Variants in SDC1 observed in about 807,000 individuals in gnomAD.
The protein encoded by SDC1 is syndecan-1.
A neutral mutation model predicts 29.7 loss-of-function variants in SDC1; 14 were observed. The ratio of observed to expected loss-of-function variants is 0.47; its 90% confidence interval spans 0.31 to 0.74. The LOEUF (loss-of-function observed/expected upper bound fraction) is 0.74, where lower values mean the gene tolerates loss of function less well. Ranked by LOEUF, SDC1 falls within the 30% of genes least tolerant of loss-of-function variation. SDC1 has a pLI of 0.05. For synonymous variants in SDC1, 204 were observed against 175.5 expected (o/e 1.16, Z -1.29); for missense variants, 406 against 400.3 (o/e 1.01, Z -0.12).
At position 20,202,295 on chromosome 2, in the gene SDC1, A is replaced by G; in HGVS notation, c.*471T>C. On this transcript the variant is annotated 3_prime_UTR_variant, in exon 5 of 5. Coordinates refer to ENST00000254351, the MANE Select transcript of SDC1 (RefSeq NM_002997.5). Reference sequence around the variant, plus strand: ...CTAGATTAGACCTCCCCACGAAACAAAGTGGACTCCTGTCCCCTGCCACTC... The same window carrying G: ...CTAGATTAGACCTCCCCACGAAACAGAGTGGACTCCTGTCCCCTGCCACTC... The G allele has an allele frequency of 1.3e-6, 1 of 779,002 alleles. No homozygotes were observed. The highest frequency in any genetic ancestry group is 2.4e-6 in the Non-Finnish European group (1 of 417,794). 48.3% of individuals were successfully genotyped at this position (779,002 alleles called of 1,614,324 possible). A position where few individuals can be genotyped will look rare whatever the true frequency, so the allele number is the denominator to read the frequency against.
chr2:20,223,326 C>T (rs974993261), intron 1 of SDC1: 2 of 1,283,350 alleles, frequency 1.6e-6, no homozygotes, highest in Non-Finnish European at 2.0e-6. Context: ...GCAGCTACTA[C>T]ACGAGGCAAC....
intron 1 of SDC1, among the ~76,000 whole-genome samples, chr2:20,214,750 G>GA (rs1677580119): frequency 6.6e-6 from 1 of 152,216 alleles, no homozygotes; most frequent in South Asian, 2.1e-4. Context: ...TGTGGTGGAA[G>GA]AAGAGTCTAA....
At position 20,202,185 on chromosome 2, in the gene SDC1, T is replaced by C. The variant is rs1025206113; in HGVS notation, c.*581A>G. On this transcript the variant is annotated 3_prime_UTR_variant, in exon 5 of 5. Coordinates refer to ENST00000254351, the MANE Select transcript of SDC1 (RefSeq NM_002997.5). The stretch of plus-strand genomic sequence containing the variant: ...CAAGATGGGGGGATACCGAATCAAC[T>C]TACTTAACTTACCTCAGAAGTAACA... 2 of 707,650 alleles carry C rather than the reference T, an allele frequency of 2.8e-6. No individual in the cohort carries two copies. The highest frequency in any genetic ancestry group is 2.7e-5 in the East Asian group (1 of 37,410). 43.8% of individuals were successfully genotyped at this position (707,650 alleles called of 1,614,324 possible).
chr2:20,218,410 A>T (rs1225679825), intron 1 of SDC1, among the ~76,000 whole-genome samples: 3 of 152,194 alleles, frequency 2.0e-5, no homozygotes, highest in Non-Finnish European at 2.9e-5. Flanking sequence ...CCAGGTAGTG[A>T]CCAGGCCCCC....
At chr2:20,207,892 G>A in intron 1 of SDC1, 1 of 947,760 alleles carries the variant, frequency 1.1e-6, no homozygotes, top group Non-Finnish European at 1.3e-6. Flanking sequence ...TGCCCACCGG[G>A]GGATCACAGA....
At chr2:20,220,615 T>C (rs571900798) in intron 1 of SDC1, among the ~76,000 whole-genome samples, 2 of 152,234 alleles carry the variant, frequency 1.3e-5, no homozygotes. Flanking sequence ...TACTTTCACA[T>C]ATCCATTATG....
chr2:20,222,566 G>A (rs1677857154), intron 1 of SDC1, among the ~76,000 whole-genome samples: 1 of 152,170 alleles, frequency 6.6e-6, no homozygotes, highest in Admixed American at 6.5e-5. Flanking sequence ...CTCAGCTCAA[G>A]CACCTCCTCC....
intron 1 of SDC1, among the ~76,000 whole-genome samples, chr2:20,212,542 C>T (rs750024798): frequency 6.6e-6 from 1 of 152,202 alleles, no homozygotes; most frequent in Non-Finnish European, 1.5e-5. Context: ...CCTCCAGACC[C>T]GAAATCCCCC....
chr2:20,208,149 A>G, intron 1 of SDC1: 1 of 983,866 alleles, frequency 1.0e-6, no homozygotes, highest in African/African-American at 1.7e-5. Flanking sequence ...GCCCACAGGG[A>G]AGACACACAC....
At chr2:20,205,075 A>G (rs918737500) in intron 2 of SDC1, among the ~76,000 whole-genome samples, 3 of 152,218 alleles carry the variant, frequency 2.0e-5, no homozygotes, top group African/African-American at 7.2e-5. Flanking sequence ...ATTCCTAGTG[A>G]ATATGAGCCT....
rs535878915 is a variant in SDC1, at chr2:20,205,083, C to G, written c.148+260G>C. ...TAAAGCTATTCCTAGTGAATATGAG[C>G]CTGCGTGCAGCAGGCGGCCCTGGGG... is the stretch of plus-strand genomic sequence containing the variant. On this transcript the variant is annotated intron_variant, in intron 2 of 4. Transcript: ENST00000254351. Among the ~76,000 whole-genome samples the G allele has an allele frequency of 2.0e-5, 3 of 152,342 alleles. No homozygotes were observed. The South Asian group carries it at 6.2e-4, about 32-fold the overall frequency.
At chr2:20,213,531 T>A (rs1451518402) in intron 1 of SDC1, among the ~76,000 whole-genome samples, 3 of 152,270 alleles carry the variant, frequency 2.0e-5, no homozygotes, top group African/African-American at 2.4e-5. Context: ...GCCAGAGATA[T>A]CCTAAATCAA....
intron 1 of SDC1, among the ~76,000 whole-genome samples, chr2:20,222,804 A>C (rs1041435759): frequency 6.6e-6 from 1 of 152,202 alleles, no homozygotes; most frequent in African/African-American, 2.4e-5. Context: ...AGGGCTCTGG[A>C]ATGTCTGCTT....
chr2:20,223,773 C>A (rs1019050959), intron 1 of SDC1, among the ~76,000 whole-genome samples: 11 of 152,330 alleles, frequency 7.2e-5, no homozygotes, highest in Non-Finnish European at 1.5e-4. Flanking sequence ...GGCGGGCTAG[C>A]GGCCGGTGGC....
intron 1 of SDC1, among the ~76,000 whole-genome samples, chr2:20,217,528 CT>C (rs1252269086): frequency 1.3e-5 from 2 of 152,306 alleles, no homozygotes; most frequent in East Asian, 1.9e-4. Context: ...CCCCTTCCCC[CT>C]ATGTCACAGA....
intron 1 of SDC1, among the ~76,000 whole-genome samples, chr2:20,213,699 C>T (rs1677543325): frequency 6.6e-6 from 1 of 152,208 alleles, no homozygotes; most frequent in Admixed American, 6.5e-5. Context: ...AAGCCCAGCC[C>T]TGTCAGTCCC....
intron 1 of SDC1, among the ~76,000 whole-genome samples, chr2:20,221,133 A>G (rs566772856): frequency 6.6e-6 from 1 of 152,316 alleles, no homozygotes. Flanking sequence ...GGAGACTGCA[A>G]CAGGTCCCAG....
intron 1 of SDC1, chr2:20,223,316 G>T (rs1173936446): frequency 7.8e-7 from 1 of 1,289,384 alleles, no homozygotes; most frequent in South Asian, 1.2e-5. Flanking sequence ...TCAATAACTG[G>T]CAGCTACTAC....
chr2:20,207,188 C>T lies in SDC1; in HGVS notation c.67-1764G>A, dbSNP rs1423021662. Reference sequence around the variant, plus strand: ...AGAGCCAGACCAGGTGGAGGCTCCACGTCCAGGGGCCTAGGTCAGAGGGAA... The same window carrying T: ...AGAGCCAGACCAGGTGGAGGCTCCATGTCCAGGGGCCTAGGTCAGAGGGAA... On this transcript the variant is annotated intron_variant, in intron 1 of 4. Transcript: ENST00000254351. Among the ~76,000 whole-genome samples the T allele has an allele frequency of 3.3e-5, 5 of 152,244 alleles. No individual in the cohort carries two copies. The East Asian group carries it at 5.8e-4, about 18-fold the overall frequency.
Sources: allele counts gnomAD v4.1 joint callset (sites outside exome capture counted in the v4.1 genomes callset), GRCh38; gene constraint gnomAD v4.1.1; transcripts MANE v1.5; gene names NCBI Gene and HGNC (gene_info 2026-07-23, HGNC 2026-07-21).